Variants in HS6ST3 observed in about 807,000 individuals in gnomAD.
The protein encoded by HS6ST3 is heparan-sulfate 6-O-sulfotransferase 3.
A neutral mutation model predicts 36.7 loss-of-function variants in HS6ST3; 12 were observed. That is an observed-to-expected ratio of 0.33 (90% confidence interval 0.21 to 0.53). The LOEUF (loss-of-function observed/expected upper bound fraction) is 0.53. Among genes scored for constraint, HS6ST3 ranks in the 20% least tolerant of loss-of-function variants. The pLI is 0.95. For missense variants in HS6ST3, 584 were observed against 640.9 expected (o/e 0.91, Z 0.96); for synonymous variants, 240 against 257.5 (o/e 0.93, Z 0.65).
At chr13:96,326,181 T>A (rs769026051) in intron 1 of HS6ST3, among the ~76,000 whole-genome samples, 50 of 50,984 alleles carry the variant, frequency 9.8e-4, no homozygotes, top group Admixed American at 1.6e-3. Context: ...TTTTTTTTAA[T>A]TTTTTTTTAT....
intron 1 of HS6ST3, among the ~76,000 whole-genome samples, chr13:96,209,218 G>A (rs1370833398): frequency 6.6e-6 from 1 of 152,192 alleles, no homozygotes; most frequent in Non-Finnish European, 1.5e-5. Flanking sequence ...TTGAGAAAAT[G>A]AGCCATTGAG....
intron 1 of HS6ST3, among the ~76,000 whole-genome samples, chr13:96,724,215 C>G (rs576430786): frequency 6.6e-6 from 1 of 152,154 alleles, no homozygotes; most frequent in Non-Finnish European, 1.5e-5. Flanking sequence ...TGTATGGGTA[C>G]GCTAAAATGT....
intron 1 of HS6ST3, among the ~76,000 whole-genome samples, chr13:96,321,601 T>C (rs535299267): frequency 6.6e-6 from 1 of 152,316 alleles, no homozygotes; most frequent in African/African-American, 2.4e-5. Context: ...TACCTCCTTT[T>C]CACTGTCTCT....
intron 1 of HS6ST3, among the ~76,000 whole-genome samples, chr13:96,358,075 G>A (rs2055218910): frequency 6.6e-6 from 1 of 152,166 alleles, no homozygotes; most frequent in Non-Finnish European, 1.5e-5. Context: ...TCTGTAAAGT[G>A]CAATAAAGTG....
chr13:96,265,558 A>G (rs2054688122), intron 1 of HS6ST3, among the ~76,000 whole-genome samples: 1 of 152,154 alleles, frequency 6.6e-6, no homozygotes, highest in East Asian at 1.9e-4. Context: ...AAAAGTAAAA[A>G]TTCCTATTTT....
intron 1 of HS6ST3, among the ~76,000 whole-genome samples, chr13:96,178,712 C>T (rs1161993832): frequency 1.3e-5 from 2 of 152,048 alleles, no homozygotes; most frequent in African/African-American, 2.4e-5. Context: ...ATCAGATGCC[C>T]ATAGGATGGC....
rs971165826 is a variant in HS6ST3 at position 96,112,393 on chromosome 13, A to G, written c.707+20824A>G. On this transcript the variant is annotated intron_variant, in intron 1 of 1. Coordinates refer to ENST00000376705, the MANE Select transcript of HS6ST3 (RefSeq NM_153456.4). ...ATGAATCTTTCTAGTGTGTTAAGGG[A>G]TAAAAGGAAGCACAAGGGAAAACAT... Among the ~76,000 whole-genome samples, 12 of 151,454 alleles carry G rather than the reference A, an allele frequency of 7.9e-5. 1 individual carries two copies. The highest frequency in any genetic ancestry group is 2.9e-4 in the African/African-American group (12 of 41,234).
At chr13:96,509,148 T>C (rs2056038679) in intron 1 of HS6ST3, among the ~76,000 whole-genome samples, 1 of 152,174 alleles carries the variant, frequency 6.6e-6, no homozygotes, top group African/African-American at 2.4e-5. Context: ...CATTTGTACA[T>C]CTTCTTTTGA....
At chr13:96,760,056 G>T (rs1226167589) in intron 1 of HS6ST3, among the ~76,000 whole-genome samples, 1 of 151,878 alleles carries the variant, frequency 6.6e-6, no homozygotes, top group Non-Finnish European at 1.5e-5. Flanking sequence ...ATTCAACAAT[G>T]GTTGTATGAC....
At chr13:96,210,359 A>G (rs115524259) in intron 1 of HS6ST3, among the ~76,000 whole-genome samples, 1,752 of 152,240 alleles carry the variant, frequency 0.012, 35 homozygotes, top group African/African-American at 0.041. Flanking sequence ...TTCCTTGGAA[A>G]CGCACTCCCC....
At chr13:96,114,246 G>A (rs952625449) in intron 1 of HS6ST3, among the ~76,000 whole-genome samples, 3 of 151,776 alleles carry the variant, frequency 2.0e-5, no homozygotes, top group East Asian at 1.9e-4. Flanking sequence ...CAAACTCCTG[G>A]GCCCAAGTGA....
intron 1 of HS6ST3, among the ~76,000 whole-genome samples, chr13:96,565,991 A>G (rs980514502): frequency 6.6e-6 from 1 of 152,204 alleles, no homozygotes; most frequent in Non-Finnish European, 1.5e-5. Flanking sequence ...TTATTCATAC[A>G]TACAATAAGT....
At chr13:96,658,667 G>A (rs1433488902) in intron 1 of HS6ST3, among the ~76,000 whole-genome samples, 11 of 150,720 alleles carry the variant, frequency 7.3e-5, no homozygotes, top group Middle Eastern at 3.4e-3. Context: ...TTTTTGTATG[G>A]CGGTTATATG....
chr13:96,732,066 CTTG>C (rs890332275), intron 1 of HS6ST3, among the ~76,000 whole-genome samples: 1 of 152,184 alleles, frequency 6.6e-6, no homozygotes, highest in Non-Finnish European at 1.5e-5. Context: ...CTTGCTAATA[CTTG>C]TTATCTTTTA....
intron 1 of HS6ST3, among the ~76,000 whole-genome samples, chr13:96,651,072 G>C (rs1008376033): frequency 3.3e-5 from 5 of 151,904 alleles, no homozygotes; most frequent in Admixed American, 2.6e-4. Context: ...ACTGGAAAAA[G>C]TCCTGACTTC....
intron 1 of HS6ST3, among the ~76,000 whole-genome samples, chr13:96,544,271 A>G (rs972042406): frequency 3.9e-5 from 6 of 152,234 alleles, no homozygotes. Flanking sequence ...GAGCATTCAA[A>G]GTACGTTGGC....
chr13:96,180,882 T>C (rs1006469919), intron 1 of HS6ST3, among the ~76,000 whole-genome samples: 1 of 152,198 alleles, frequency 6.6e-6, no homozygotes, highest in African/African-American at 2.4e-5. Context: ...CCCTCTTTCC[T>C]TCTCCTTTTT....
At chr13:96,797,120 A>T (rs1213283820) in intron 1 of HS6ST3, among the ~76,000 whole-genome samples, 1 of 152,068 alleles carries the variant, frequency 6.6e-6, no homozygotes, top group Non-Finnish European at 1.5e-5. Flanking sequence ...GATCCTTTTA[A>T]TTATATTTAT....
chr13:96,467,539 C>T (rs1165623301), intron 1 of HS6ST3, among the ~76,000 whole-genome samples: 2 of 152,172 alleles, frequency 1.3e-5, no homozygotes, highest in Non-Finnish European at 2.9e-5. Context: ...CTACCATGTA[C>T]AAGGCTTGTT....
Sources: gnomAD v4.1 joint callset for allele counts (sites outside exome capture counted in the v4.1 genomes callset) on GRCh38, gnomAD v4.1.1 for gene constraint, MANE v1.5 for transcripts, NCBI Gene and HGNC (gene_info 2026-07-23, HGNC 2026-07-21) for gene names.